Variants in ITPR1 observed in about 807,000 individuals in gnomAD.
The protein encoded by ITPR1 is inositol 1,4,5-trisphosphate receptor type 1, also known as inositol 1,4,5-trisphosphate-gated calcium channel ITPR1.
A neutral mutation model predicts 318.4 loss-of-function variants in ITPR1; 96 were observed. The observed-to-expected ratio is 0.30, with a 90% CI of 0.26 to 0.36. The LOEUF (loss-of-function observed/expected upper bound fraction) is 0.36, where lower values mean the gene tolerates loss of function less well. Ranked by LOEUF, ITPR1 falls within the 10% of genes least tolerant of loss-of-function variation. The pLI, the probability that ITPR1 is intolerant of heterozygous loss-of-function variation, is 1.00. For synonymous variants in ITPR1, 1,312 were observed against 1,289.9 expected, an observed-to-expected ratio of 1.02 and a Z score of -0.37; for missense variants, 2,440 against 3,460.2, an observed-to-expected ratio of 0.71 and a Z score of 7.40.
chr3:4,532,178 A>G (rs2083470189), intron 4 of ITPR1, among the ~76,000 whole-genome samples: 1 of 152,120 alleles, frequency 6.6e-6, no homozygotes, highest in Admixed American at 6.5e-5. Context: ...CTGTCTCCCT[A>G]AGGCTTTGCA....
At chr3:4,844,197 T>C (rs1207043864) in intron 61 of ITPR1, among the ~76,000 whole-genome samples, 1 of 150,618 alleles carries the variant, frequency 6.6e-6, no homozygotes, top group Admixed American at 6.6e-5. Context: ...CACTGTTCAC[T>C]GCAACCTCCA....
At chr3:4,840,509 A>G (rs1211772898) in intron 61 of ITPR1, among the ~76,000 whole-genome samples, 1 of 152,222 alleles carries the variant, frequency 6.6e-6, no homozygotes, top group African/African-American at 2.4e-5. Context: ...TTCAAAAACC[A>G]GCAGACTCGA....
Position 4,788,991 on chromosome 3 carries a change from G to C in ITPR1, c.6808+852G>C, listed in dbSNP as rs1311085200. On this transcript the variant is annotated intron_variant, in intron 52 of 61. Coordinates refer to ENST00000649015, the MANE Select transcript of ITPR1 (RefSeq NM_001378452.1). ...CTTCTCCGTGATGCTGCCAATCTGA[G>C]CAGGCACGGACCAGTGCTGTCTGTT... Among the ~76,000 whole-genome samples, 5 of 152,170 alleles carry C rather than the reference G, an allele frequency of 3.3e-5. 1 individual carries two copies. Among genetic ancestry groups the C allele is most frequent in the African/African-American group, 1.2e-4 (5 of 41,428 alleles).
At chr3:4,568,398 T>C (rs2087608544) in intron 4 of ITPR1, among the ~76,000 whole-genome samples, 1 of 152,222 alleles carries the variant, frequency 6.6e-6, no homozygotes, top group African/African-American at 2.4e-5. Flanking sequence ...ATGTGCCAGA[T>C]GCAGGGGATC....
At chr3:4,590,250 A>G (rs1431468859) in intron 4 of ITPR1, among the ~76,000 whole-genome samples, 2 of 114,118 alleles carry the variant, frequency 1.8e-5, no homozygotes, top group South Asian at 2.7e-4. Context: ...TTCCTTACTT[A>G]TTTGCTCTTT....
chr3:4,782,694 G>A lies in ITPR1; in HGVS notation c.6463G>A (p.Ala2155Thr), dbSNP rs749399233. Residue 2155 changes from alanine to threonine, a missense_variant, in exon 50 of 62, where the codon GCG (alanine) becomes ACG (threonine). Coordinates refer to ENST00000649015, the MANE Select transcript of ITPR1 (RefSeq NM_001378452.1). ...TGGAGAAAACGGTGAGGATGGGGCG[G>A]CGTCCCCCAGGAACGTGGGGCACAA... is the stretch of plus-strand genomic sequence containing the variant. ...EDGENGEDGA[A>T]SPRNVGHNIY... The A allele has an allele frequency of 2.5e-6, 4 of 1,597,430 alleles. No individual in the cohort carries two copies. In the Admixed American group the frequency reaches 6.8e-5, roughly 27 times the overall value.
chr3:4,742,156 G>A (rs1202421154), intron 44 of ITPR1, among the ~76,000 whole-genome samples: 3 of 152,202 alleles, frequency 2.0e-5, no homozygotes, highest in Admixed American at 6.5e-5. Flanking sequence ...CCTGGAAGGA[G>A]AGAGCCTATC....
intron 4 of ITPR1, among the ~76,000 whole-genome samples, chr3:4,554,903 C>T (rs1393515296): frequency 6.6e-6 from 1 of 152,114 alleles, no homozygotes; most frequent in East Asian, 1.9e-4. Flanking sequence ...AGAACTGTTG[C>T]TCATATATCA....
At chr3:4,775,958 CAAAG>C (rs2046458546) in intron 47 of ITPR1, among the ~76,000 whole-genome samples, 1 of 152,172 alleles carries the variant, frequency 6.6e-6, no homozygotes, top group Non-Finnish European at 1.5e-5. Context: ...TTTGGTCTCT[CAAAG>C]AAGAATATTT....
Position 4,691,147 on chromosome 3 carries a change from C to T in ITPR1, c.3832C>T (p.Leu1278=). 1 of 1,604,948 alleles carries T rather than the reference C, an allele frequency of 6.2e-7. No homozygotes were observed. The highest frequency in any genetic ancestry group is 1.1e-5 in the South Asian group (1 of 89,880). ...HINLFLNPGI[L]EAVTMQHIFM... ...CTTTTCCTCACTCTTGTGCCAGATCCTGGAGGCAGTAACCATGCAGCACAT... is the reference window on the plus strand; with the variant it reads ...CTTTTCCTCACTCTTGTGCCAGATCTTGGAGGCAGTAACCATGCAGCACAT... The change falls in exon 32 of 62, where the codon CTG becomes TTG. Residue 1278 remains leucine, a synonymous_variant. Coordinates refer to ENST00000649015, the MANE Select transcript of ITPR1 (RefSeq NM_001378452.1).
intron 4 of ITPR1, among the ~76,000 whole-genome samples, chr3:4,573,466 A>G (rs2088254717): frequency 6.6e-6 from 1 of 152,200 alleles, no homozygotes; most frequent in Non-Finnish European, 1.5e-5. Flanking sequence ...ATCTCCATAG[A>G]ACAACCAGAG....
intron 4 of ITPR1, among the ~76,000 whole-genome samples, chr3:4,569,349 A>G (rs2087737999): frequency 2.0e-5 from 3 of 152,252 alleles, no homozygotes; most frequent in Admixed American, 2.0e-4. Context: ...ACATTTTAAA[A>G]CAGTTTCTAG....
Position 4,685,085 on chromosome 3 carries a change from G to A in ITPR1, c.3581G>A (p.Ser1194Asn). 6.2e-7 allele frequency: 1 copy of A among 1,610,116 alleles called. No homozygotes were observed. Among genetic ancestry groups the A allele is most frequent in the Middle Eastern group, 1.7e-4 (1 of 6,052 alleles). Reference protein sequence around the residue: ...RVVKEILIRLSKLCVQESASV... With the variant: ...RVVKEILIRLNKLCVQESASV... ...TTCTACTAGATTTTGATTCGGCTTA[G>A]CAAACTCTGTGTTCAAGAGAGTGCC... The change falls in exon 30 of 62, where the codon AGC becomes AAC. Residue 1194 changes from serine (S) to asparagine (N), a missense_variant. Physicochemically the swap from Ser to Asn is conservative, Grantham distance 46 (BLOSUM62 1). This residue lies in a region of ITPR1 where 86 missense variants were observed against 75.6 expected (regional missense o/e 1.14). Transcript: ENST00000649015.
intron 60 of ITPR1, among the ~76,000 whole-genome samples, chr3:4,831,753 G>T (rs184895211): frequency 8.5e-5 from 13 of 152,300 alleles, no homozygotes; most frequent in African/African-American, 2.9e-4. Flanking sequence ...GAGAGGCGTG[G>T]GTGACAGGCT....
chr3:4,748,886 G>A (rs965995750), intron 44 of ITPR1, among the ~76,000 whole-genome samples: 1 of 152,192 alleles, frequency 6.6e-6, no homozygotes, highest in South Asian at 2.1e-4. Flanking sequence ...GCACTGGGAC[G>A]CGAAGTTGTA....
chr3:4,512,800 G>C (rs1252319641), intron 2 of ITPR1, among the ~76,000 whole-genome samples: 2 of 152,126 alleles, frequency 1.3e-5, no homozygotes, highest in Non-Finnish European at 2.9e-5. Flanking sequence ...TAACAGAGGA[G>C]GAAATGAAAG....
At chr3:4,750,629 C>A (rs368992126) in intron 44 of ITPR1, 2 of 152,114 alleles carry the variant, frequency 1.3e-5, no homozygotes, top group East Asian at 3.9e-4. Context: ...GGGTGGGCGG[C>A]CAGGGTAGGT....
chr3:4,707,268 G>A (rs1044472178), intron 37 of ITPR1, among the ~76,000 whole-genome samples: 13 of 152,174 alleles, frequency 8.5e-5, no homozygotes, highest in African/African-American at 2.2e-4. Flanking sequence ...ACTGGGCTCC[G>A]CTAGCTATTT....
At chr3:4,685,357 CAG>C (rs1339659506) in intron 30 of ITPR1, among the ~76,000 whole-genome samples, 151 bp downstream of exon 30, 3 of 152,254 alleles carry the variant, frequency 2.0e-5, no homozygotes, top group Non-Finnish European at 4.4e-5. Flanking sequence ...TGATATGAAA[CAG>C]AGCATCTGAA....
Sources: allele counts gnomAD v4.1 joint callset (sites outside exome capture counted in the v4.1 genomes callset), GRCh38; gene constraint gnomAD v4.1.1; regional missense constraint gnomAD v4.1.1; transcripts MANE v1.5; gene names NCBI Gene and HGNC (gene_info 2026-07-23, HGNC 2026-07-21).